MGRN1: variants seen among roughly 807,000 people sequenced by gnomAD.
MGRN1 encodes E3 ubiquitin-protein ligase MGRN1.
A neutral mutation model predicts 69.2 loss-of-function variants in MGRN1; 29 were observed. That is an observed-to-expected ratio of 0.42 (90% CI 0.31 to 0.57). The LOEUF is 0.57. Among genes scored for constraint, MGRN1 ranks in the 20% least tolerant of loss-of-function variants. MGRN1 has a pLI of 0.15. For synonymous variants in MGRN1, 470 were observed against 344.2 expected (o/e 1.37, Z -4.04); for missense variants, 998 against 796.2 (o/e 1.25, Z -3.05).
chr16:4,656,478 G>T (rs1567199325), intron 4 of MGRN1, among the ~76,000 whole-genome samples: 1 of 152,272 alleles, frequency 6.6e-6, no homozygotes, highest in Non-Finnish European at 1.5e-5. Context: ...CCTTCCGGGA[G>T]TGATCTGTGG....
intron 1 of MGRN1, among the ~76,000 whole-genome samples, chr16:4,643,677 C>T (rs182346779): frequency 1.3e-5 from 2 of 152,220 alleles, no homozygotes; most frequent in East Asian, 3.9e-4. Context: ...TGGCAAAAAT[C>T]TTGTATTGAT....
At chr16:4,683,179 C>T (rs1486889856) in intron 14 of MGRN1, 45 bp from the exon 15 acceptor site, 2 of 1,608,018 alleles carry the variant, frequency 1.2e-6, no homozygotes, top group Non-Finnish European at 1.7e-6. Flanking sequence ...GGAGCGGTGG[C>T]CGCGGCTCTC....
chr16:4,681,317 C>T (rs1281416080), intron 12 of MGRN1: 7 of 548,644 alleles, frequency 1.3e-5, no homozygotes, highest in South Asian at 7.5e-5. Context: ...CAGATGCCCT[C>T]GTGCCCGTCA....
At position 4,671,412 on chromosome 16, in the gene MGRN1, C is replaced by G; in HGVS notation, c.748C>G (p.Leu250Val). The G allele has an allele frequency of 6.2e-7, 1 of 1,614,050 alleles. No homozygotes were observed. The highest frequency in any genetic ancestry group is 1.1e-5 in the South Asian group (1 of 91,082). The change falls in exon 9 of 17, where the codon CTG becomes GTG. Residue 250 changes from leucine (L) to valine (V), a missense_variant. Leu to Val is a conservative substitution (Grantham distance 32). Coordinates refer to ENST00000262370, the MANE Select transcript of MGRN1 (RefSeq NM_015246.4). The stretch of plus-strand genomic sequence containing the variant: ...CCAGGTGGACCGGGTCAGCTACCTC[C>G]TGCAGGAGATCTATGGCATTGAGAA... ...KQIVDRVSYL[L>V]QEIYGIENKN... is the part of the protein sequence containing the mutation.
At position 4,677,587 on chromosome 16, in the gene MGRN1, C is replaced by T; in HGVS notation, c.1065+15C>T. 3 of 1,597,462 alleles carry T rather than the reference C, an allele frequency of 1.9e-6. No homozygotes were observed. The highest frequency in any genetic ancestry group is 2.5e-6 in the Non-Finnish European group (3 of 1,178,174). ...ATGAGCACTCTGTAAGTGCCGCCTC[C>T]TGCCTGCGGGATGGGCGGGAGAGGG... On this transcript the variant is annotated intron_variant, in intron 11 of 16. Transcript: ENST00000262370.
chr16:4,628,590 G>C (rs1382072652), intron 1 of MGRN1, among the ~76,000 whole-genome samples: 1 of 152,036 alleles, frequency 6.6e-6, no homozygotes, highest in Non-Finnish European at 1.5e-5. Flanking sequence ...TGTCGCCCAG[G>C]TTGCAATGCA....
At chr16:4,645,870 G>A (rs1446600164) in intron 1 of MGRN1, among the ~76,000 whole-genome samples, 3 of 152,192 alleles carry the variant, frequency 2.0e-5, no homozygotes, top group African/African-American at 7.2e-5. Context: ...AGGGGATGTG[G>A]GGAGGCTGGT....
At chr16:4,627,895 A>G (rs1169096828) in intron 1 of MGRN1, among the ~76,000 whole-genome samples, 1 of 151,036 alleles carries the variant, frequency 6.6e-6, no homozygotes, top group East Asian at 1.9e-4. Flanking sequence ...CCTGGCTAAC[A>G]CCGTGAAACC....
chr16:4,654,198 C>T (rs1431799927), intron 4 of MGRN1, among the ~76,000 whole-genome samples: 4 of 152,236 alleles, frequency 2.6e-5, no homozygotes, highest in Admixed American at 2.6e-4. Flanking sequence ...TCCTACCACC[C>T]GGGAAATTCC....
At chr16:4,626,724 C>G (rs1233860054) in intron 1 of MGRN1, among the ~76,000 whole-genome samples, 2 of 152,230 alleles carry the variant, frequency 1.3e-5, no homozygotes, top group Non-Finnish European at 2.9e-5. Context: ...ATGTCATTTA[C>G]AGCCCGCTTC....
At chr16:4,649,330 C>T (rs2078350215) in intron 1 of MGRN1, 1 of 152,214 alleles carries the variant, frequency 6.6e-6, no homozygotes, top group Admixed American at 6.5e-5. Flanking sequence ...GACCTCTAAC[C>T]GTGGCTTGAA....
intron 1 of MGRN1, chr16:4,640,599 C>G (rs773794335): frequency 1.2e-4 from 18 of 152,474 alleles, no homozygotes; most frequent in Admixed American, 9.1e-4. Flanking sequence ...CCCTGAGGCC[C>G]TGGGTCCTTG....
At chr16:4,648,668 T>C (rs1285683789) in intron 1 of MGRN1, among the ~76,000 whole-genome samples, 4 of 94,832 alleles carry the variant, frequency 4.2e-5, no homozygotes, top group Non-Finnish European at 7.9e-5. Context: ...TCCCGGGGAC[T>C]CTTCCCGTGG....
At position 4,630,875 on chromosome 16, in the gene MGRN1, G is replaced by A. The variant is rs116648260; in HGVS notation, c.88+5827G>A. Among the ~76,000 whole-genome samples, 1,194 of 149,826 alleles carry A rather than the reference G, an allele frequency of 8.0e-3. 30 individuals are homozygous for A. The highest frequency in any genetic ancestry group is 0.027 in the African/African-American group (1,098 of 40,578). ...TCTGTCATTCAGGCTAGAGTATAGC[G>A]GCATGATGTCACTCTAGCCTTGACT... On this transcript the variant is annotated intron_variant, in intron 1 of 16. Coordinates refer to ENST00000262370, the MANE Select transcript of MGRN1 (RefSeq NM_015246.4).
intron 7 of MGRN1, 70 bp from the exon 8 acceptor site, chr16:4,668,195 G>T (rs2078848328): frequency 7.0e-7 from 1 of 1,422,880 alleles, no homozygotes; most frequent in African/African-American, 1.4e-5. Flanking sequence ...GGCCAACCCA[G>T]GCGGCCACGC....
intron 7 of MGRN1, among the ~76,000 whole-genome samples, chr16:4,666,237 T>A (rs1483556605): frequency 6.6e-6 from 1 of 152,062 alleles, no homozygotes; most frequent in Non-Finnish European, 1.5e-5. Context: ...AAGGAGATCC[T>A]CCCACTTCAG....
chr16:4,668,640 TCAGA>T lies in MGRN1; in HGVS notation c.726+331_726+334del, dbSNP rs371536235. On this transcript the variant is annotated intron_variant, in intron 8 of 16. Transcript: ENST00000262370. ...CATGCAGTCATTCAGATGCACACAC[TCAGA>T]CACACTCATATACTCAGTCACACAC... Among the ~76,000 whole-genome samples the T allele has an allele frequency of 3.0e-4, 46 of 151,168 alleles. No homozygotes were observed. In the East Asian group the frequency reaches 8.2e-3, roughly 27 times the overall value.
chr16:4,660,802 T>C (rs2078659979), intron 5 of MGRN1, among the ~76,000 whole-genome samples: 1 of 152,000 alleles, frequency 6.6e-6, no homozygotes, highest in Non-Finnish European at 1.5e-5. Flanking sequence ...GGAAACAGGC[T>C]CACAAGGGGC....
At chr16:4,652,204 G>A (rs962233586) in intron 3 of MGRN1, among the ~76,000 whole-genome samples, 153 bp downstream of exon 3, 7 of 152,252 alleles carry the variant, frequency 4.6e-5, no homozygotes, top group Non-Finnish European at 2.9e-5. Flanking sequence ...TGGGCTGAGC[G>A]AGGGAAAGGG....
Sources: allele counts gnomAD v4.1 joint callset (sites outside exome capture counted in the v4.1 genomes callset), GRCh38; gene constraint gnomAD v4.1.1; transcripts MANE v1.5; gene names NCBI Gene and HGNC (gene_info 2026-07-23, HGNC 2026-07-21).